The following PLXNA2 variants were observed in gnomAD, a reference collection of about 807,000 sequenced individuals.
PLXNA2 encodes the protein plexin A2, also known as plexin-A2.
PLXNA2 carries 91 observed loss-of-function variants against 193.5 expected under a neutral mutation model. The observed-to-expected ratio is 0.47, with a 90% CI of 0.40 to 0.56. The LOEUF (loss-of-function observed/expected upper bound fraction) is 0.56, where lower values mean the gene tolerates loss of function less well. Ranked by LOEUF, PLXNA2 falls within the 20% of genes least tolerant of loss-of-function variation. PLXNA2 has a pLI of 0.00. For missense variants in PLXNA2, 1,995 were observed against 2,503.2 expected, an observed-to-expected ratio of 0.80 and a Z score of 4.33; for synonymous variants, 997 against 1,027.3, an observed-to-expected ratio of 0.97 and a Z score of 0.56.
intron 3 of PLXNA2, among the ~76,000 whole-genome samples, chr1:208,150,423 CT>C (rs893697732): frequency 1.3e-5 from 2 of 152,156 alleles, no homozygotes; most frequent in Non-Finnish European, 2.9e-5. Flanking sequence ...CCATGGAGAT[CT>C]TTCTCCTGGA....
At chr1:208,034,261 C>G (rs1664600797) in intron 27 of PLXNA2, among the ~76,000 whole-genome samples, 1 of 152,264 alleles carries the variant, frequency 6.6e-6, no homozygotes, top group South Asian at 2.1e-4. Flanking sequence ...ACTCCTCTAC[C>G]AGGCTGGGAT....
At chr1:208,045,295 G>T in intron 18 of PLXNA2, 85 bp from the exon 19 acceptor site, 1 of 1,415,940 alleles carries the variant, frequency 7.1e-7, no homozygotes, top group Non-Finnish European at 9.8e-7. Flanking sequence ...TTAAGGAGAC[G>T]GGGAAGGGCA....
chr1:208,090,319 A>G lies in PLXNA2; in HGVS notation c.2097+2467T>C, dbSNP rs542995714. On this transcript the variant is annotated intron_variant, in intron 9 of 31. Coordinates refer to ENST00000367033, the MANE Select transcript of PLXNA2 (RefSeq NM_025179.4). ...GCTCTTCTCTAACCCTAAGCCACAG[A>G]CATCAAGGACAGAAAATGAAACAAA... 9.2e-5 allele frequency among the ~76,000 whole-genome samples: 14 copies of G among 152,314 alleles called. No homozygotes were observed. In the East Asian group the frequency reaches 2.5e-3, roughly 27 times the overall value.
At chr1:208,145,674 T>A (rs374140013) in intron 3 of PLXNA2, among the ~76,000 whole-genome samples, 1 of 151,966 alleles carries the variant, frequency 6.6e-6, no homozygotes, top group Non-Finnish European at 1.5e-5. Flanking sequence ...AGACAACTTA[T>A]CATCACATTG....
In PLXNA2 at chr1:208,044,656, G is replaced by A. The variant is rs1264477578; in HGVS notation, c.3726C>T (p.Ile1242=). Residue 1242 remains isoleucine, a synonymous_variant, in exon 20 of 32, where the codon ATC becomes ATT. Coordinates refer to ENST00000367033, the MANE Select transcript of PLXNA2 (RefSeq NM_025179.4). This position sits in a 1 kb window ranked among gnomAD's most constrained non-coding sequence, Gnocchi z 4.9. ...SLLTLPAIVS[I]AAGGSLLLII... ...TGAGGAGGAGGCTGCCGCCGGCCGC[G>A]ATGCTGACGATGGCTGGCAGGGTCA... is the stretch of plus-strand genomic sequence containing the variant. 15 of 1,613,936 alleles carry A rather than the reference G, an allele frequency of 9.3e-6. No individual in the cohort carries two copies. Among genetic ancestry groups the A allele is most frequent in the Non-Finnish European group, 1.3e-5 (15 of 1,180,020 alleles).
chr1:208,167,041 G>C (rs1160224858), intron 3 of PLXNA2, among the ~76,000 whole-genome samples: 2 of 152,198 alleles, frequency 1.3e-5, no homozygotes. Flanking sequence ...ATGTCAGTTT[G>C]CTGACTGCCA....
At chr1:208,220,215 C>G (rs1671280343) in intron 1 of PLXNA2, among the ~76,000 whole-genome samples, 1 of 152,224 alleles carries the variant, frequency 6.6e-6, no homozygotes, top group Admixed American at 6.5e-5. Context: ...TCCCAAGACA[C>G]AGTTTGAATA....
At chr1:208,171,877 A>G (rs1669505764) in intron 3 of PLXNA2, among the ~76,000 whole-genome samples, 1 of 151,878 alleles carries the variant, frequency 6.6e-6, no homozygotes, top group Admixed American at 6.5e-5. Context: ...TTTTAAGATG[A>G]TAATAATAGC....
intron 3 of PLXNA2, among the ~76,000 whole-genome samples, chr1:208,207,379 G>A (rs539426888): frequency 3.3e-5 from 5 of 152,236 alleles, no homozygotes; most frequent in African/African-American, 7.2e-5. Flanking sequence ...GAAGGCAGTG[G>A]TCTTGTCTAG....
At chr1:208,039,939 C>G (rs1408399041) in intron 23 of PLXNA2, 53 bp downstream of exon 23, 1 of 1,587,790 alleles carries the variant, frequency 6.3e-7, no homozygotes, top group Non-Finnish European at 8.6e-7. Flanking sequence ...AGGATCTAAG[C>G]AGCAGTGCCA....
intron 1 of PLXNA2, among the ~76,000 whole-genome samples, chr1:208,224,115 G>A (rs1441003817): frequency 6.6e-6 from 1 of 152,200 alleles, no homozygotes; most frequent in Non-Finnish European, 1.5e-5. Flanking sequence ...GGTAGTCCAG[G>A]CACGTTGGGT....
At chr1:208,170,239 C>G (rs1466391514) in intron 3 of PLXNA2, among the ~76,000 whole-genome samples, 1 of 152,128 alleles carries the variant, frequency 6.6e-6, no homozygotes, top group African/African-American at 2.4e-5. Context: ...ATTTTTAATG[C>G]CTCTATTTTA....
intron 13 of PLXNA2, among the ~76,000 whole-genome samples, chr1:208,054,900 G>C (rs547236320): frequency 3.9e-5 from 6 of 152,324 alleles, no homozygotes; most frequent in Admixed American, 1.3e-4. Flanking sequence ...CAGAGATCTC[G>C]GGGCAGCAAT....
At chr1:208,085,650 CTCCTGTGGCCACCTCTTGTCAT>C (rs955737594) in intron 9 of PLXNA2, among the ~76,000 whole-genome samples, 2 of 152,262 alleles carry the variant, frequency 1.3e-5, no homozygotes, top group Non-Finnish European at 2.9e-5. Flanking sequence ...CACAGGGAAT[CTCCTGTGGCCACCTCTTGTCAT>C]GGTGTGGCTC....
intron 1 of PLXNA2, among the ~76,000 whole-genome samples, chr1:208,221,558 A>G (rs1284920035): frequency 1.3e-5 from 2 of 152,062 alleles, no homozygotes; most frequent in African/African-American, 4.8e-5. Context: ...AGCAGCTGTC[A>G]TTGGACACTG....
At position 208,143,612 on chromosome 1, in the gene PLXNA2, T is replaced by C. The variant is rs544882901; in HGVS notation, c.1372-1149A>G. 3.3e-5 allele frequency among the ~76,000 whole-genome samples: 5 copies of C among 152,258 alleles called. No homozygotes were observed. In the East Asian group the frequency reaches 9.7e-4, roughly 29 times the overall value. On this transcript the variant is annotated intron_variant, in intron 3 of 31. Transcript: ENST00000367033. ...TCTAGTAGCTGACTCCTGACCAATA[T>C]TCATGACCCCAGCCTGTTTTCACTG...
chr1:208,128,197 A>G (rs1223310168), intron 4 of PLXNA2, among the ~76,000 whole-genome samples: 2 of 152,228 alleles, frequency 1.3e-5, no homozygotes, highest in Admixed American at 6.5e-5. Context: ...ACAACTGGCA[A>G]ATGAGCCTCC....
rs139968784 is a variant in PLXNA2 at position 208,039,626 on chromosome 1, T to C, written c.4495A>G (p.Thr1499Ala). The C allele has an allele frequency of 3.9e-5, 63 of 1,613,230 alleles. No homozygotes were observed. In the African/African-American group the frequency reaches 8.3e-4, roughly 21 times the overall value. ...KLIRQQIEYKTLILNCVNPDN... is the reference protein window; with the variant it reads ...KLIRQQIEYKALILNCVNPDN... ...GGAGCTTCCGGCTTCCTCACCAGGG[T>C]CTTGTACTCGATCTGCTGCCGGATG... Residue 1499 changes from threonine (T) to alanine (A), a missense_variant, in exon 24 of 32, where the codon ACC becomes GCC. Around this residue, in one of 3 missense-constraint regions of PLXNA2, gnomAD observed 1,291 missense variants for 1,673.6 expected, o/e 0.77. Coordinates refer to ENST00000367033, the MANE Select transcript of PLXNA2 (RefSeq NM_025179.4).
In PLXNA2 at chr1:208,079,469, G is replaced by A. The variant is rs761218175; in HGVS notation, c.2396-19C>T. 8 of 1,543,316 alleles carry A rather than the reference G, an allele frequency of 5.2e-6. No individual in the cohort carries two copies. In the African/African-American group the frequency reaches 6.8e-5, roughly 13 times the overall value. On this transcript the variant is annotated intron_variant, in intron 11 of 31. Transcript: ENST00000367033. Reference sequence around the variant, plus strand: ...AGATGGACTGCAAAGAGAGCAGGTGGTCACAGATGAAACCAGAAAGGGCTG... The same window carrying A: ...AGATGGACTGCAAAGAGAGCAGGTGATCACAGATGAAACCAGAAAGGGCTG...
Sources: gnomAD v4.1 joint callset for allele counts (sites outside exome capture counted in the v4.1 genomes callset) on GRCh38, gnomAD v4.1.1 for gene constraint, gnomAD v4.1.1 regional missense constraint, Gnocchi (gnomAD v3.1) non-coding constraint, MANE v1.5 for transcripts, NCBI Gene and HGNC (gene_info 2026-07-23, HGNC 2026-07-21) for gene names.